Variants in MAP3K10 observed in about 807,000 individuals in gnomAD.
MAP3K10 encodes MKN28 derived nonreceptor_type serine/threonine kinase.
MAP3K10 carries 22 observed loss-of-function variants against 75.0 expected under a neutral mutation model. That is an observed-to-expected ratio of 0.29 (90% CI 0.21 to 0.42). The LOEUF (loss-of-function observed/expected upper bound fraction) is 0.42, where lower values mean the gene tolerates loss of function less well. Among genes scored for constraint, MAP3K10 ranks in the 10% least tolerant of loss-of-function variants. The probability of loss-of-function intolerance (pLI) is 1.00; values close to 1 mark genes in which losing one functional copy is unlikely to be tolerated. For synonymous variants in MAP3K10, 599 were observed against 612.9 expected (o/e 0.98, Z 0.34); for missense variants, 1,165 against 1,379.8 (o/e 0.84, Z 2.47).
chr19:40,209,674 C>G (rs1973198171), intron 6 of MAP3K10, among the ~76,000 whole-genome samples: 1 of 152,052 alleles, frequency 6.6e-6, no homozygotes, highest in Admixed American at 6.6e-5. Flanking sequence ...CTCAGCCTCA[C>G]AAAGTGCTGG....
chr19:40,210,348 G>A (rs1309582800), intron 6 of MAP3K10, among the ~76,000 whole-genome samples: 2 of 152,172 alleles, frequency 1.3e-5, no homozygotes, highest in African/African-American at 4.8e-5. Flanking sequence ...GGGAAGTCCT[G>A]CAATCTGCCT....
intron 1 of MAP3K10, among the ~76,000 whole-genome samples, chr19:40,196,849 G>T (rs1292778227): frequency 2.0e-5 from 3 of 152,086 alleles, no homozygotes; most frequent in Non-Finnish European, 2.9e-5. Context: ...ATAAAAAAGG[G>T]CTCGGGGTGG....
intron 1 of MAP3K10, among the ~76,000 whole-genome samples, chr19:40,196,941 C>T (rs1599900111): frequency 6.6e-6 from 1 of 152,288 alleles, no homozygotes; most frequent in East Asian, 1.9e-4. Context: ...TTAGTGACAA[C>T]CCGGGTAGAA....
chr19:40,215,184 G>T lies in MAP3K10; in HGVS notation c.2757G>T (p.Pro919=). 1.3e-6 allele frequency: 2 copies of T among 1,593,964 alleles called. No individual in the cohort carries two copies. The highest frequency in any genetic ancestry group is 2.7e-5 in the African/African-American group (2 of 74,336). Residue 919 remains proline (P), a synonymous_variant, in exon 10 of 10, where the codon CCG becomes CCT. Coordinates refer to ENST00000253055, the MANE Select transcript of MAP3K10 (RefSeq NM_002446.4). ...CGCCTCCCAGCAGGCCAGACACTCC[G>T]GAGAGCCCTGGGCCCCCCAGCGTGC... ...TISPPSRPDT[P]ESPGPPSVQP... is the part of the protein sequence containing the mutation.
chr19:40,205,336 C>T lies in MAP3K10; in HGVS notation c.1188+40C>T, dbSNP rs200687989. 30 of 1,606,784 alleles carry T rather than the reference C, an allele frequency of 1.9e-5. No individual in the cohort carries two copies. Among genetic ancestry groups the T allele is most frequent in the African/African-American group, 1.1e-4 (8 of 74,904 alleles). On this transcript the variant is annotated intron_variant, in intron 4 of 9. Transcript: ENST00000253055. This position sits in a 1 kb window ranked among gnomAD's most constrained non-coding sequence, Gnocchi z 4.3. ...CAAGGTGGGAAAGATGGAGCAAGAC[C>T]CCTGAGTTCTGATGCCTTGGGCTGC...
Position 40,215,393 on chromosome 19 carries a change from G to A in MAP3K10, c.*101G>A. On this transcript the variant is annotated 3_prime_UTR_variant, in exon 10 of 10. Coordinates refer to ENST00000253055, the MANE Select transcript of MAP3K10 (RefSeq NM_002446.4). ...AGGTGGGGGAGGCCCTGGGCAGGAT[G>A]TTCACTCTATTTATTGGGGAAGGAG... is the stretch of plus-strand genomic sequence containing the variant. 1 of 1,069,994 alleles carries A rather than the reference G, an allele frequency of 9.3e-7. No homozygotes were observed. The highest frequency in any genetic ancestry group is 1.6e-5 in the African/African-American group (1 of 62,814). The allele number at this position is 1,069,994 out of a possible 1,614,324, so 66.3% of individuals were successfully genotyped here.
chr19:40,195,714 T>C (rs973686140), intron 1 of MAP3K10, among the ~76,000 whole-genome samples: 1 of 151,972 alleles, frequency 6.6e-6, no homozygotes, highest in African/African-American at 2.4e-5. Context: ...AGGCTGGTCT[T>C]GAACTCCTGA....
Position 40,192,142 on chromosome 19 carries a change from G to A in MAP3K10, c.111G>A (p.Leu37=). The A allele has an allele frequency of 6.3e-7, 1 of 1,596,176 alleles. No homozygotes were observed. Among genetic ancestry groups the A allele is most frequent in the Non-Finnish European group, 8.5e-7 (1 of 1,172,962 alleles). The part of the protein sequence containing the change: ...YEAAGDEELT[L]RRGDRVQVLS... ...CGGCGGGCGACGAGGAGCTGACCCT[G>A]CGGAGGGGCGATCGCGTCCAGGTGC... The change falls in exon 1 of 10, where the codon CTG becomes CTA. Residue 37 remains leucine (L), a synonymous_variant. Transcript: ENST00000253055. This position sits in a 1 kb window ranked among gnomAD's most constrained non-coding sequence, Gnocchi z 7.1.
Position 40,202,582 on chromosome 19 carries a change from G to A in MAP3K10, c.864-1903G>A, listed in dbSNP as rs576056061. Among the ~76,000 whole-genome samples the A allele has an allele frequency of 5.3e-5, 8 of 151,668 alleles. No homozygotes were observed. The South Asian group carries it at 1.7e-3, about 32-fold the overall frequency. On this transcript the variant is annotated intron_variant, in intron 2 of 9. Transcript: ENST00000253055. ...GTCTTTACAGGATAGGGTGTTTGGG[G>A]ACAGATTTCATCTTATTTAAGATAT...
rs756190259 is a variant in MAP3K10 at position 40,215,036 on chromosome 19, G to A, written c.2609G>A (p.Arg870Gln). The change falls in exon 10 of 10, where the codon CGG (arginine) becomes CAG (glutamine). Residue 870 changes from arginine (R) to glutamine (Q), a missense_variant. Arg to Gln is a conservative substitution (Grantham distance 43, BLOSUM62 1). Coordinates refer to ENST00000253055, the MANE Select transcript of MAP3K10 (RefSeq NM_002446.4). ...DPQALFPARR[R>Q]PPEFPGRPTT... ...CAGGCCCTGTTCCCAGCCCGCCGCCGGCCCCCTGAGTTCCCAGGCCGCCCC... is the reference window on the plus strand; with the variant it reads ...CAGGCCCTGTTCCCAGCCCGCCGCCAGCCCCCTGAGTTCCCAGGCCGCCCC... 20 of 1,108,598 alleles carry A rather than the reference G, an allele frequency of 1.8e-5. No homozygotes were observed. The highest frequency in any genetic ancestry group is 5.5e-5 in the Admixed American group (2 of 36,220). 68.7% of individuals were successfully genotyped at this position (1,108,598 alleles called of 1,614,324 possible). A position where few individuals can be genotyped will look rare whatever the true frequency, so the allele number is the denominator to read the frequency against.
chr19:40,209,851 G>A (rs1193155764), intron 6 of MAP3K10, among the ~76,000 whole-genome samples: 1 of 152,250 alleles, frequency 6.6e-6, no homozygotes, highest in East Asian at 1.9e-4. Flanking sequence ...AGATGTATTG[G>A]CTGGGCACGA....
chr19:40,204,966 A>G lies in MAP3K10; in HGVS notation c.1013-155A>G. The G allele has an allele frequency of 1.3e-6, 1 of 742,252 alleles. No homozygotes were observed. Among genetic ancestry groups the G allele is most frequent in the Non-Finnish European group, 2.3e-6 (1 of 433,474 alleles). The allele number at this position is 742,252 out of a possible 1,614,324, so 46.0% of individuals were successfully genotyped here. A position where few individuals can be genotyped will look rare whatever the true frequency, so the allele number is the denominator to read the frequency against. Reference sequence around the variant, plus strand: ...AGCGTTTCACTGAGTGGAATTGGCCAGGAGCTTGGCTTTGAATCCCTTCCC... The same window carrying G: ...AGCGTTTCACTGAGTGGAATTGGCCGGGAGCTTGGCTTTGAATCCCTTCCC... On this transcript the variant is annotated intron_variant, in intron 3 of 9. Coordinates refer to ENST00000253055, the MANE Select transcript of MAP3K10 (RefSeq NM_002446.4). This position sits in a 1 kb window ranked among gnomAD's most constrained non-coding sequence, Gnocchi z 4.3.
rs1599901419 is a variant in MAP3K10, at chr19:40,198,280, G to T, written c.683-95G>T. 2.4e-6 allele frequency: 3 copies of T among 1,239,050 alleles called. 1 individual carries two copies. Among genetic ancestry groups the T allele is most frequent in the South Asian group, 2.8e-5 (2 of 71,424 alleles). 76.8% of individuals were successfully genotyped at this position (1,239,050 alleles called of 1,614,324 possible). On this transcript the variant is annotated intron_variant, in intron 1 of 9. Transcript: ENST00000253055. This position sits in a 1 kb window ranked among gnomAD's most constrained non-coding sequence, Gnocchi z 4.3. Reference sequence around the variant, plus strand: ...AGCGGGGCAGCCTGAGGCAGTGAGAGGAAAGACGTGTTTCTAGCTGAGGCA... The same window carrying T: ...AGCGGGGCAGCCTGAGGCAGTGAGATGAAAGACGTGTTTCTAGCTGAGGCA...
intron 2 of MAP3K10, among the ~76,000 whole-genome samples, chr19:40,200,708 TC>T (rs1271848969): frequency 1.5e-5 from 2 of 134,024 alleles, no homozygotes; most frequent in East Asian, 5.0e-4. Context: ...ACCCTCCTCC[TC>T]CCAGATTCAA....
chr19:40,206,059 G>T lies in MAP3K10; in HGVS notation c.1337G>T (p.Ser446Ile), dbSNP rs1182530703. 6.2e-7 allele frequency: 1 copy of T among 1,613,320 alleles called. No homozygotes were observed. Among genetic ancestry groups the T allele is most frequent in the African/African-American group, 1.3e-5 (1 of 74,904 alleles). Residue 446 changes from serine to isoleucine, a missense_variant, in exon 5 of 10, where the codon AGC becomes ATC. This residue lies in a region of MAP3K10 where 575 missense variants were observed against 793.2 expected (regional missense o/e 0.72). Transcript: ENST00000253055. ...CTGCACCTGCTCATGTGCCAGCTGA[G>T]CCAGGAGAAGCCCCGGGTCCGCAAG... is the stretch of plus-strand genomic sequence containing the variant. ...RELHLLMCQL[S>I]QEKPRVRKRK... is the part of the protein sequence containing the mutation.
At chr19:40,206,802 C>A (rs1029322487) in intron 5 of MAP3K10, among the ~76,000 whole-genome samples, 1 of 152,118 alleles carries the variant, frequency 6.6e-6, no homozygotes, top group African/African-American at 2.4e-5. Context: ...TTAAAAATAT[C>A]TTTTAATCTG....
At chr19:40,214,937 C>T (rs775039567) in intron 9 of MAP3K10, 33 bp from the exon 10 acceptor site, 2 of 1,046,558 alleles carry the variant, frequency 1.9e-6, no homozygotes, top group Non-Finnish European at 2.9e-6. Flanking sequence ...CTCTGCCCCA[C>T]CCCACTCACC....
chr19:40,211,456 G>A (rs1050125315), intron 6 of MAP3K10, among the ~76,000 whole-genome samples: 6 of 151,230 alleles, frequency 4.0e-5, no homozygotes, highest in Non-Finnish European at 8.8e-5. Context: ...ATGGTGATTT[G>A]CTGCACCTGT....
chr19:40,192,018 C>T lies in MAP3K10; in HGVS notation c.-14C>T, dbSNP rs2145063086. ...TGTGTGAAGCGGCCTCCCGCAGCCC[C>T]CGGCCCCTCCCCCATGGAGGAGGAG... On this transcript the variant is annotated 5_prime_UTR_variant, in exon 1 of 10. Transcript: ENST00000253055. The surrounding 1 kb of genome is among the most constrained non-coding windows in gnomAD (Gnocchi z 7.1). 1 of 1,410,576 alleles carries T rather than the reference C, an allele frequency of 7.1e-7. No homozygotes were observed. The highest frequency in any genetic ancestry group is 1.5e-5 in the South Asian group (1 of 65,502). 87.4% of individuals were successfully genotyped at this position (1,410,576 alleles called of 1,614,324 possible).
Sources: allele counts gnomAD v4.1 joint callset (sites outside exome capture counted in the v4.1 genomes callset), GRCh38; gene constraint gnomAD v4.1.1; regional missense constraint gnomAD v4.1.1; non-coding constraint Gnocchi (gnomAD v3.1); transcripts MANE v1.5; gene names NCBI Gene and HGNC (gene_info 2026-07-23, HGNC 2026-07-21).